The following GRID1 variants were observed in gnomAD, a reference collection of about 807,000 sequenced individuals.
GRID1 encodes glutamate ionotropic receptor delta type subunit 1, also known as glutamate receptor ionotropic, delta-1.
GRID1 carries 28 observed loss-of-function variants against 98.0 expected under a neutral mutation model. That is an observed-to-expected ratio of 0.29 (90% confidence interval 0.21 to 0.39). The LOEUF is 0.39. Among genes scored for constraint, GRID1 ranks in the 10% least tolerant of loss-of-function variants. The pLI is 1.00. For missense variants in GRID1, 1,111 were observed against 1,340.5 expected, an observed-to-expected ratio of 0.83 and a Z score of 2.67; for synonymous variants, 553 against 538.5, an observed-to-expected ratio of 1.03 and a Z score of -0.37.
chr10:85,915,704 G>T (rs538272380), intron 5 of GRID1, among the ~76,000 whole-genome samples: 9 of 151,600 alleles, frequency 5.9e-5, no homozygotes, highest in Non-Finnish European at 1.3e-4. Flanking sequence ...CATAAACACA[G>T]ACATACACAC....
intron 2 of GRID1, among the ~76,000 whole-genome samples, chr10:86,207,418 C>T (rs992935881): frequency 5.3e-5 from 8 of 152,186 alleles, no homozygotes; most frequent in Non-Finnish European, 7.3e-5. Flanking sequence ...GCTTCTAGGG[C>T]TGACACGCTC....
intron 5 of GRID1, among the ~76,000 whole-genome samples, chr10:85,891,369 C>A (rs1841197878): frequency 6.6e-6 from 1 of 152,068 alleles, no homozygotes; most frequent in Non-Finnish European, 1.5e-5. Flanking sequence ...ATATCCAATC[C>A]TTACATCTGA....
At chr10:86,281,107 T>G (rs559830524) in intron 2 of GRID1, among the ~76,000 whole-genome samples, 1 of 152,262 alleles carries the variant, frequency 6.6e-6, no homozygotes, top group South Asian at 2.1e-4. Context: ...TACATCTGGC[T>G]CATCTATACA....
chr10:86,101,615 G>A (rs1844296866), intron 4 of GRID1, among the ~76,000 whole-genome samples: 1 of 149,716 alleles, frequency 6.7e-6, no homozygotes, highest in Non-Finnish European at 1.5e-5. Context: ...TTTGTTCCTG[G>A]TTTGTTTTTC....
At chr10:85,742,610 G>A (rs77328026) in intron 8 of GRID1, among the ~76,000 whole-genome samples, 6 of 151,998 alleles carry the variant, frequency 3.9e-5, no homozygotes, top group Admixed American at 6.6e-5. Context: ...CATCTTTAAC[G>A]CATTATGCTT....
chr10:85,987,321 C>T (rs1294815387), intron 4 of GRID1, among the ~76,000 whole-genome samples: 1 of 149,504 alleles, frequency 6.7e-6, no homozygotes, highest in East Asian at 2.0e-4. Flanking sequence ...CCTCCCACCT[C>T]CCACTCTCAC....
chr10:86,104,442 G>C (rs1375349780), intron 4 of GRID1, among the ~76,000 whole-genome samples: 1 of 152,196 alleles, frequency 6.6e-6, no homozygotes, highest in Non-Finnish European at 1.5e-5. Flanking sequence ...CCAGGGCATA[G>C]GATTCCCTCC....
chr10:86,051,323 A>C (rs1225893067), intron 4 of GRID1, among the ~76,000 whole-genome samples: 1 of 151,016 alleles, frequency 6.6e-6, no homozygotes, highest in Non-Finnish European at 1.5e-5. Flanking sequence ...AAAAAAAAAA[A>C]CCTTTAACAG....
chr10:85,659,438 G>A (rs1407088078), intron 12 of GRID1, among the ~76,000 whole-genome samples: 1 of 152,208 alleles, frequency 6.6e-6, no homozygotes, highest in African/African-American at 2.4e-5. Flanking sequence ...CAAAGCAGCT[G>A]GTGAAGGAAT....
At chr10:85,783,349 G>A (rs998348194) in intron 8 of GRID1, among the ~76,000 whole-genome samples, 11 of 152,096 alleles carry the variant, frequency 7.2e-5, no homozygotes, top group Non-Finnish European at 1.5e-5. Context: ...ATCTGAAGGC[G>A]CTACTCTCTG....
intron 2 of GRID1, among the ~76,000 whole-genome samples, chr10:86,336,732 A>G (rs993623151): frequency 2.0e-4 from 31 of 152,174 alleles, no homozygotes; most frequent in Admixed American, 1.8e-3. Context: ...ACCTGGCTCC[A>G]TGGGAACATG....
chr10:85,865,926 T>TAC (rs1843212594), intron 6 of GRID1, among the ~76,000 whole-genome samples: 1 of 113,436 alleles, frequency 8.8e-6, no homozygotes, highest in Non-Finnish European at 1.7e-5. Context: ...TATATATATA[T>TAC]ATATATATAT....
Position 86,124,591 on chromosome 10 carries a change from G to T in GRID1, c.726+14228C>A, listed in dbSNP as rs1022375575. On this transcript the variant is annotated intron_variant, in intron 4 of 15. Transcript: ENST00000327946. The stretch of plus-strand genomic sequence containing the variant: ...CCTTACTGTATTTTTCTTCATGGGG[G>T]TTGTCACTACCCACATGACTTTTGG... Among the ~76,000 whole-genome samples the T allele has an allele frequency of 1.3e-5, 2 of 152,110 alleles. 1 individual carries two copies. Among genetic ancestry groups the T allele is most frequent in the Admixed American group, 1.3e-4 (2 of 15,270 alleles).
intron 2 of GRID1, among the ~76,000 whole-genome samples, chr10:86,229,516 G>A (rs1233411738): frequency 6.6e-6 from 1 of 152,192 alleles, no homozygotes; most frequent in African/African-American, 2.4e-5. Flanking sequence ...ATTGCTGAGA[G>A]CCGAGCCTGA....
intron 8 of GRID1, among the ~76,000 whole-genome samples, chr10:85,767,206 G>T (rs572189709): frequency 6.6e-6 from 1 of 152,106 alleles, no homozygotes; most frequent in Non-Finnish European, 1.5e-5. Flanking sequence ...TACTTTGACC[G>T]CTAGGAAATG....
intron 2 of GRID1, among the ~76,000 whole-genome samples, chr10:86,280,693 C>G (rs971820867): frequency 6.6e-6 from 1 of 152,184 alleles, no homozygotes; most frequent in African/African-American, 2.4e-5. Context: ...GACCTGGCCC[C>G]CTACCTACTT....
intron 3 of GRID1, among the ~76,000 whole-genome samples, chr10:86,196,118 G>T (rs913518758): frequency 7.2e-5 from 11 of 151,958 alleles, no homozygotes; most frequent in African/African-American, 2.4e-4. Flanking sequence ...CCCATAAGCT[G>T]CTGACCCTCC....
At chr10:85,974,225 A>T (rs1842443330) in intron 4 of GRID1, among the ~76,000 whole-genome samples, 1 of 152,214 alleles carries the variant, frequency 6.6e-6, no homozygotes, top group Admixed American at 6.5e-5. Flanking sequence ...TCATCAGTCA[A>T]TATTTAGGAA....
intron 12 of GRID1, 59 bp from the exon 13 acceptor site, chr10:85,647,456 A>T: frequency 8.9e-6 from 12 of 1,347,148 alleles, no homozygotes; most frequent in Non-Finnish European, 1.2e-5. Context: ...CACTGCAAGG[A>T]TACAAATGGG....
Sources: gnomAD v4.1 joint callset for allele counts (sites outside exome capture counted in the v4.1 genomes callset) on GRCh38, gnomAD v4.1.1 for gene constraint, MANE v1.5 for transcripts, NCBI Gene and HGNC (gene_info 2026-07-23, HGNC 2026-07-21) for gene names.